AUH: variants seen among roughly 807,000 people sequenced by gnomAD.
AUH encodes methylglutaconyl-CoA hydratase, mitochondrial.
AUH carries 29 observed loss-of-function variants against 42.3 expected under a neutral mutation model. That is an observed-to-expected ratio of 0.69 (90% confidence interval 0.51 to 0.93). AUH has a LOEUF of 0.93. Among genes scored for constraint, AUH ranks in the 40% least tolerant of loss-of-function variants. AUH has a pLI of 0.00. For missense variants in AUH, 452 were observed against 438.1 expected (o/e 1.03, Z -0.28); for synonymous variants, 174 against 166.4 (o/e 1.05, Z -0.35).
At chr9:91,309,712 C>T (rs1036604305) in intron 4 of AUH, among the ~76,000 whole-genome samples, 6 of 152,164 alleles carry the variant, frequency 3.9e-5, no homozygotes, top group Non-Finnish European at 7.4e-5. Flanking sequence ...TGATTGCATA[C>T]AACATTCACT....
At chr9:91,234,093 T>G (rs944271232) in intron 6 of AUH, among the ~76,000 whole-genome samples, 1 of 152,226 alleles carries the variant, frequency 6.6e-6, no homozygotes, top group African/African-American at 2.4e-5. Context: ...ATGTTTTGGC[T>G]GCTCAACATC....
intron 6 of AUH, among the ~76,000 whole-genome samples, chr9:91,226,924 T>C (rs1348693201): frequency 1.4e-5 from 2 of 142,950 alleles, no homozygotes; most frequent in African/African-American, 5.2e-5. Context: ...TCTGTTTTGG[T>C]ACCAGTACCA....
intron 5 of AUH, among the ~76,000 whole-genome samples, chr9:91,296,323 CA>C (rs1219505107): frequency 2.0e-5 from 3 of 152,080 alleles, no homozygotes; most frequent in African/African-American, 7.2e-5. Context: ...TTTTGATTCA[CA>C]AGACCAGGAC....
At chr9:91,352,829 C>T (rs1459233243) in intron 3 of AUH, among the ~76,000 whole-genome samples, 1 of 152,110 alleles carries the variant, frequency 6.6e-6, no homozygotes, top group Non-Finnish European at 1.5e-5. Context: ...AATGCTGAGT[C>T]CCTGTTGTTT....
At chr9:91,324,231 T>C (rs984658434) in intron 4 of AUH, among the ~76,000 whole-genome samples, 1 of 152,060 alleles carries the variant, frequency 6.6e-6, no homozygotes, top group Non-Finnish European at 1.5e-5. Context: ...GGCTGAGTAA[T>C]GTGGCTCATG....
chr9:91,330,923 T>C (rs1231384265), intron 3 of AUH, among the ~76,000 whole-genome samples: 3 of 152,230 alleles, frequency 2.0e-5, no homozygotes, highest in African/African-American at 4.8e-5. Flanking sequence ...GGAAGGGACA[T>C]GTGGGACGAC....
chr9:91,242,271 G>T (rs925825889), intron 6 of AUH, among the ~76,000 whole-genome samples: 4 of 152,230 alleles, frequency 2.6e-5, no homozygotes, highest in Non-Finnish European at 5.9e-5. Context: ...AGGCAGTCAG[G>T]TTAGAGGCTG....
At chr9:91,227,244 G>A (rs1827557562) in intron 6 of AUH, among the ~76,000 whole-genome samples, 1 of 148,454 alleles carries the variant, frequency 6.7e-6, no homozygotes, top group Non-Finnish European at 1.5e-5. Context: ...GCGGTTTGTA[G>A]TTCTCCTTGA....
At position 91,325,359 on chromosome 9, in the gene AUH, C is replaced by G. The variant is rs377491933; in HGVS notation, c.464G>C (p.Gly155Ala). Residue 155 changes from glycine to alanine, a missense_variant, in exon 4 of 10, where the codon GGT becomes GCT. Coordinates refer to ENST00000375731, the MANE Select transcript of AUH (RefSeq NM_001698.3). ...ERAKMSSSEV[G>A]PFVSKIRAVI... The stretch of plus-strand genomic sequence containing the variant: ...TGCTCTTATTTTGGAGACAAAAGGA[C>G]CAACTTCACTGGAACTCATTTTGGC... 3.4e-5 allele frequency: 55 copies of G among 1,613,736 alleles called. No individual in the cohort carries two copies. In the African/African-American group the frequency reaches 7.3e-4, roughly 22 times the overall value.
intron 6 of AUH, among the ~76,000 whole-genome samples, chr9:91,244,525 G>A (rs1292891259): frequency 1.3e-5 from 2 of 152,178 alleles, no homozygotes; most frequent in Non-Finnish European, 2.9e-5. Flanking sequence ...ACAGCTAGAG[G>A]TAAGATACAT....
chr9:91,300,804 C>T (rs1228286826), intron 4 of AUH, among the ~76,000 whole-genome samples: 1 of 152,194 alleles, frequency 6.6e-6, no homozygotes, highest in East Asian at 1.9e-4. Context: ...ATTCAAGACT[C>T]AATATCTGTA....
At chr9:91,280,584 T>C (rs545771674) in intron 6 of AUH, among the ~76,000 whole-genome samples, 1 of 152,292 alleles carries the variant, frequency 6.6e-6, no homozygotes, top group Middle Eastern at 3.4e-3. Flanking sequence ...AAGCTAATTT[T>C]AATGAAAAAA....
chr9:91,315,542 T>C (rs1829092929), intron 4 of AUH, among the ~76,000 whole-genome samples: 1 of 152,160 alleles, frequency 6.6e-6, no homozygotes, highest in Admixed American at 6.5e-5. Context: ...TGTAACCCTT[T>C]ATGAGACATA....
At chr9:91,348,509 T>C (rs1442723256) in intron 3 of AUH, among the ~76,000 whole-genome samples, 1 of 152,150 alleles carries the variant, frequency 6.6e-6, no homozygotes, top group Admixed American at 6.5e-5. Flanking sequence ...CATCACCTAA[T>C]GAATAAACAA....
intron 6 of AUH, among the ~76,000 whole-genome samples, chr9:91,245,460 C>T (rs1343283862): frequency 1.3e-5 from 2 of 152,258 alleles, no homozygotes; most frequent in South Asian, 2.1e-4. Context: ...AAGAGGAAAG[C>T]TGGAGAAAGA....
rs557646881 is a variant in AUH at position 91,280,603 on chromosome 9, A to C, written c.655+15418T>G. Among the ~76,000 whole-genome samples, 5 of 152,220 alleles carry C rather than the reference A, an allele frequency of 3.3e-5. No homozygotes were observed. The East Asian group carries it at 9.6e-4, about 29-fold the overall frequency. On this transcript the variant is annotated intron_variant, in intron 6 of 9. Transcript: ENST00000375731. ...TAATTTTAATGAAAAAAGGGCAGTT[A>C]AAGTAAATAACATACTCATATTATT...
At chr9:91,248,843 A>G (rs1828945912) in intron 6 of AUH, among the ~76,000 whole-genome samples, 1 of 152,190 alleles carries the variant, frequency 6.6e-6, no homozygotes, top group Non-Finnish European at 1.5e-5. Flanking sequence ...AGTTTCCAAG[A>G]ACCAATGATG....
chr9:91,342,732 G>A (rs1270019570), intron 3 of AUH: 2 of 152,170 alleles, frequency 1.3e-5, no homozygotes, highest in Non-Finnish European at 2.9e-5. Flanking sequence ...AAGGGCACGA[G>A]TACTCTGAGT....
intron 6 of AUH, among the ~76,000 whole-genome samples, chr9:91,277,204 C>G (rs1232671748): frequency 6.6e-6 from 1 of 152,252 alleles, no homozygotes; most frequent in East Asian, 1.9e-4. Flanking sequence ...GGCTAATAAT[C>G]TCATCTATAA....
Sources: allele counts gnomAD v4.1 joint callset (sites outside exome capture counted in the v4.1 genomes callset), GRCh38; gene constraint gnomAD v4.1.1; transcripts MANE v1.5; gene names NCBI Gene and HGNC (gene_info 2026-07-23, HGNC 2026-07-21).